ZDHHC20: variants seen among roughly 807,000 people sequenced by gnomAD.
ZDHHC20 encodes zDHHC palmitoyltransferase 20, also known as palmitoyltransferase ZDHHC20.
ZDHHC20 carries 43 observed loss-of-function variants against 57.8 expected under a neutral mutation model. The ratio of observed to expected loss-of-function variants is 0.74; its 90% CI spans 0.58 to 0.96. The LOEUF is 0.96. Among genes scored for constraint, ZDHHC20 ranks in the 40% least tolerant of loss-of-function variants. The pLI, the probability that ZDHHC20 is intolerant of heterozygous loss-of-function variation, is 0.00. For missense variants in ZDHHC20, 391 were observed against 441.1 expected, an observed-to-expected ratio of 0.89 and a Z score of 1.02; for synonymous variants, 157 against 153.0, an observed-to-expected ratio of 1.03 and a Z score of -0.19.
rs145254192 is a variant in ZDHHC20 at position 21,420,466 on chromosome 13, A to C, written c.249+595T>G. Among the ~76,000 whole-genome samples the C allele has an allele frequency of 2.3e-3, 356 of 152,344 alleles. 4 individuals carry two copies. The highest frequency in any genetic ancestry group is 8.0e-3 in the African/African-American group (332 of 41,578). On this transcript the variant is annotated intron_variant, in intron 3 of 12. Coordinates refer to ENST00000400590, the MANE Select transcript of ZDHHC20 (RefSeq NM_001330059.2). ...CAAACTCAGACAACTCTAACTCTAG[A>C]GAATATATTCTTAACCACCTTGCTA... is the stretch of plus-strand genomic sequence containing the variant.
intron 1 of ZDHHC20, among the ~76,000 whole-genome samples, chr13:21,432,807 T>C (rs67934985): frequency 0.3 from 45,001 of 152,170 alleles, 6,911 homozygotes; most frequent in South Asian, 0.34. Context: ...TTGTATATGG[T>C]ACAGGTAAAG....
At chr13:21,378,781 AAAAAG>A in intron 11 of ZDHHC20, 43 bp from the exon 12 acceptor site, 1 of 1,191,604 alleles carries the variant, frequency 8.4e-7, no homozygotes. Flanking sequence ...AAAAAAAAAA[AAAAAG>A]AAGTATTAAG....
At chr13:21,449,122 T>C (rs1347766694) in intron 1 of ZDHHC20, among the ~76,000 whole-genome samples, 1 of 141,744 alleles carries the variant, frequency 7.1e-6, no homozygotes, top group Admixed American at 7.1e-5. Context: ...CCAGAGACCT[T>C]TGTTCACTTG....
At chr13:21,384,692 C>G (rs1284364454) in intron 9 of ZDHHC20, among the ~76,000 whole-genome samples, 1 of 152,150 alleles carries the variant, frequency 6.6e-6, no homozygotes, top group Non-Finnish European at 1.5e-5. Context: ...TCAAATTTGA[C>G]CAGCTTGACT....
rs1885184377 is a variant in ZDHHC20 at position 21,459,132 on chromosome 13, C to A, written c.40G>T (p.Val14Leu). The A allele has an allele frequency of 6.2e-7, 1 of 1,606,466 alleles. No individual in the cohort carries two copies. The highest frequency in any genetic ancestry group is 8.5e-7 in the Non-Finnish European group (1 of 1,177,146). ...ATGAAGAGCACCGGCACCCAGCCCA[C>A]GACGCGCTGGCAGCAGCGCCACAGC... ...WTLWRCCQRV[V>L]GWVPVLFITF... Residue 14 changes from valine (V) to leucine (L), a missense_variant, in exon 1 of 13, where the codon GTG (valine) becomes TTG (leucine). Coordinates refer to ENST00000400590, the MANE Select transcript of ZDHHC20 (RefSeq NM_001330059.2).
chr13:21,437,312 T>C (rs1356987896), intron 1 of ZDHHC20, among the ~76,000 whole-genome samples: 2 of 152,242 alleles, frequency 1.3e-5, no homozygotes, highest in African/African-American at 4.8e-5. Context: ...TCAGAAGATC[T>C]AGCTGAGATA....
intron 1 of ZDHHC20, among the ~76,000 whole-genome samples, chr13:21,451,870 TG>T (rs938240992): frequency 6.6e-6 from 1 of 151,918 alleles, no homozygotes; most frequent in African/African-American, 2.4e-5. Context: ...GGCACACACC[TG>T]TAGTCCCAAC....
At chr13:21,422,791 A>G (rs1880794399) in intron 2 of ZDHHC20, among the ~76,000 whole-genome samples, 1 of 152,130 alleles carries the variant, frequency 6.6e-6, no homozygotes, top group South Asian at 2.1e-4. Context: ...TATGTTGCTC[A>G]TAGTTTCTTT....
chr13:21,459,074 T>A lies in ZDHHC20; in HGVS notation c.98A>T (p.Tyr33Phe). 1 of 1,604,266 alleles carries A rather than the reference T, an allele frequency of 6.2e-7. No individual in the cohort carries two copies. The highest frequency in any genetic ancestry group is 1.7e-4 in the Middle Eastern group (1 of 6,030). Residue 33 changes from tyrosine (Y) to phenylalanine (F), a missense_variant, in exon 1 of 13, where the codon TAC (tyrosine) becomes TTC (phenylalanine). Coordinates refer to ENST00000400590, the MANE Select transcript of ZDHHC20 (RefSeq NM_001330059.2). ...TFVVVWSYYA[Y>F]VVELCVFTIF... ...CTCACACACGCAGAGCTCCACCACG[T>A]ACGCGTAGTAGGACCAGACGACCAC...
rs1484494500 is a variant in ZDHHC20 at position 21,376,667 on chromosome 13, GAAAC to G, written c.*41-16_*41-13del. On this transcript the variant is annotated splice_polypyrimidine_tract_variant and intron_variant, in intron 12 of 12. Coordinates refer to ENST00000400590, the MANE Select transcript of ZDHHC20 (RefSeq NM_001330059.2). ...ATGTTTTCATACACCTACAAAAAAA[GAAAC>G]AAATTATTGGTTAAAACTTGATTTT... is the stretch of plus-strand genomic sequence containing the variant. The G allele has an allele frequency of 1.6e-5, 23 of 1,400,330 alleles. No individual in the cohort carries two copies. The highest frequency in any genetic ancestry group is 2.2e-5 in the Non-Finnish European group (23 of 1,040,768). The allele number at this position is 1,400,330 out of a possible 1,614,324, so 86.7% of individuals were successfully genotyped here. A position where few individuals can be genotyped will look rare whatever the true frequency, so the allele number is the denominator to read the frequency against.
Position 21,398,176 on chromosome 13 carries a change from A to G in ZDHHC20, c.594+2197T>C, listed in dbSNP as rs1345034972. Among the ~76,000 whole-genome samples, 3 of 152,250 alleles carry G rather than the reference A, an allele frequency of 2.0e-5. No homozygotes were observed. In the East Asian group the frequency reaches 5.8e-4, roughly 29 times the overall value. On this transcript the variant is annotated intron_variant, in intron 7 of 12. Coordinates refer to ENST00000400590, the MANE Select transcript of ZDHHC20 (RefSeq NM_001330059.2). ...AGTACTGGGCGACTAAGAAACATAA[A>G]CAAACAGGTTGGGCGCGGTGGCTCA... is the stretch of plus-strand genomic sequence containing the variant.
chr13:21,406,622 A>T (rs1405684188), intron 4 of ZDHHC20, among the ~76,000 whole-genome samples: 1 of 151,258 alleles, frequency 6.6e-6, no homozygotes, highest in Admixed American at 6.6e-5. Flanking sequence ...CTTATAAGTG[A>T]GAACATGCAG....
chr13:21,457,624 C>T lies in ZDHHC20; in HGVS notation c.118+1430G>A, dbSNP rs768883728. 9.2e-5 allele frequency among the ~76,000 whole-genome samples: 14 copies of T among 152,264 alleles called. 1 individual carries two copies. Among genetic ancestry groups the T allele is most frequent in the South Asian group, 4.1e-4 (2 of 4,826 alleles). On this transcript the variant is annotated intron_variant, in intron 1 of 12. Coordinates refer to ENST00000400590, the MANE Select transcript of ZDHHC20 (RefSeq NM_001330059.2). Reference sequence around the variant, plus strand: ...TGGGCCTACCTGCAGGGATAGTCGTCCCAAAATTAAACGTTCTATAGGTAC... The same window carrying T: ...TGGGCCTACCTGCAGGGATAGTCGTTCCAAAATTAAACGTTCTATAGGTAC...
chr13:21,395,091 G>C (rs1315232938), intron 7 of ZDHHC20, among the ~76,000 whole-genome samples: 2 of 149,104 alleles, frequency 1.3e-5, no homozygotes, highest in African/African-American at 5.0e-5. Flanking sequence ...TTTTGAGATA[G>C]AGTCTCGATC....
intron 3 of ZDHHC20, among the ~76,000 whole-genome samples, chr13:21,417,964 A>G (rs1416878810): frequency 2.0e-5 from 3 of 152,238 alleles, no homozygotes; most frequent in African/African-American, 7.2e-5. Flanking sequence ...TACCTCAGTC[A>G]GCACACTGTA....
chr13:21,424,062 TTC>T (rs1349864357), intron 2 of ZDHHC20, among the ~76,000 whole-genome samples: 8 of 152,300 alleles, frequency 5.3e-5, no homozygotes, highest in South Asian at 4.1e-4. Context: ...TAAAAATATA[TTC>T]TGTTAAAAAA....
intron 1 of ZDHHC20, among the ~76,000 whole-genome samples, chr13:21,440,553 G>C (rs904626844): frequency 1.3e-5 from 2 of 152,112 alleles, no homozygotes; most frequent in African/African-American, 4.8e-5. Context: ...TGAGGTTGCA[G>C]TGAGCCGAGA....
intron 6 of ZDHHC20, among the ~76,000 whole-genome samples, chr13:21,401,101 G>C (rs1434283480): frequency 6.6e-6 from 1 of 151,868 alleles, no homozygotes; most frequent in African/African-American, 2.4e-5. Context: ...AACATGGAGA[G>C]ACCCCATCTC....
At chr13:21,400,570 C>A in intron 6 of ZDHHC20, 77 bp from the exon 7 acceptor site, 1 of 1,433,002 alleles carries the variant, frequency 7.0e-7, no homozygotes, top group Non-Finnish European at 9.4e-7. Flanking sequence ...AGGATGGAGG[C>A]TGCCAGGGGC....
Sources: allele counts gnomAD v4.1 joint callset (sites outside exome capture counted in the v4.1 genomes callset), GRCh38; gene constraint gnomAD v4.1.1; transcripts MANE v1.5; gene names NCBI Gene and HGNC (gene_info 2026-07-23, HGNC 2026-07-21).